Variants in QTMAN observed in about 807,000 individuals in gnomAD.
The protein encoded by QTMAN is tRNA-queuosine alpha-mannosyltransferase.
chr2:144,095,144 T>C, the QTMAN span, among the ~76,000 whole-genome samples: 1 of 152,194 alleles, frequency 6.6e-6, no homozygotes, highest in African/African-American at 2.4e-5. Flanking sequence ...AGCTTTCCCA[T>C]GTCCTACTCA....
chr2:144,118,622 G>A, the QTMAN span, among the ~76,000 whole-genome samples: 11 of 152,232 alleles, frequency 7.2e-5, no homozygotes, highest in East Asian at 1.5e-3. Context: ...AGTGGCTCAC[G>A]CCTGTAATCC....
the QTMAN span, among the ~76,000 whole-genome samples, chr2:144,021,878 T>C: frequency 6.6e-6 from 1 of 152,166 alleles, no homozygotes; most frequent in African/African-American, 2.4e-5. Context: ...AATGTGCGTG[T>C]GCGTCCATGC....
chr2:144,052,147 A>C, the QTMAN span, among the ~76,000 whole-genome samples: 2 of 152,180 alleles, frequency 1.3e-5, no homozygotes, highest in Non-Finnish European at 2.9e-5. Context: ...TGAAGAAATG[A>C]ATGTTATTCT....
At chr2:144,145,118 A>AG in the QTMAN span, among the ~76,000 whole-genome samples, 1 of 151,382 alleles carries the variant, frequency 6.6e-6, no homozygotes, top group East Asian at 1.9e-4. Context: ...TAAAAAAAAA[A>AG]AAAAAAAAAA....
At chr2:144,197,768 A>C in the QTMAN span, among the ~76,000 whole-genome samples, 3 of 152,118 alleles carry the variant, frequency 2.0e-5, no homozygotes, top group African/African-American at 7.2e-5. Context: ...CTATTTTTCT[A>C]TTAGATATTT....
the QTMAN span, among the ~76,000 whole-genome samples, chr2:143,956,716 G>A: frequency 6.6e-6 from 1 of 152,206 alleles, no homozygotes; most frequent in East Asian, 1.9e-4. Context: ...CCTCCATGAT[G>A]ATAGGGAGGA....
At chr2:144,114,453 C>T in the QTMAN span, among the ~76,000 whole-genome samples, 3 of 152,178 alleles carry the variant, frequency 2.0e-5, no homozygotes, top group African/African-American at 7.2e-5. Flanking sequence ...CTCCAAGTTA[C>T]ACATTTCATC....
the QTMAN span, among the ~76,000 whole-genome samples, chr2:144,025,483 G>C: frequency 0.038 from 5,853 of 152,292 alleles, 158 homozygotes; most frequent in East Asian, 0.083. Flanking sequence ...GGAAGAAGAT[G>C]CCTGATGTGT....
the QTMAN span, among the ~76,000 whole-genome samples, chr2:144,189,683 G>A: frequency 7.2e-5 from 11 of 151,922 alleles, 1 homozygote; most frequent in Admixed American, 5.2e-4. Flanking sequence ...CCAGCGGTGC[G>A]ATCTCGGCTC....
chr2:143,944,839 G>C, the QTMAN span: 1 of 151,928 alleles, frequency 6.6e-6, no homozygotes, highest in South Asian at 2.1e-4. Flanking sequence ...CCACATACAG[G>C]TAACTTTCAA....
the QTMAN span, among the ~76,000 whole-genome samples, chr2:144,111,388 C>T: frequency 7.2e-5 from 11 of 152,174 alleles, 1 homozygote; most frequent in Non-Finnish European, 1.0e-4. Context: ...CTGGCTCCAA[C>T]TCATTTCCAA....
chr2:144,249,641 TA>T, the QTMAN span, among the ~76,000 whole-genome samples: 1 of 152,174 alleles, frequency 6.6e-6, no homozygotes, highest in East Asian at 1.9e-4. Context: ...ACATTAAAAA[TA>T]AACAAGGAGG....
the QTMAN span, among the ~76,000 whole-genome samples, chr2:144,305,030 T>C: frequency 6.6e-6 from 1 of 152,218 alleles, no homozygotes; most frequent in East Asian, 1.9e-4. Flanking sequence ...GACAAATATG[T>C]TCTTGCATGT....
chr2:143,994,273 T>C, the QTMAN span, among the ~76,000 whole-genome samples: 6 of 152,202 alleles, frequency 3.9e-5, no homozygotes, highest in Admixed American at 3.9e-4. Context: ...TAAACATTTT[T>C]AAATGAATGA....
the QTMAN span, among the ~76,000 whole-genome samples, chr2:144,194,951 G>T: frequency 3.3e-5 from 5 of 151,906 alleles, no homozygotes; most frequent in Non-Finnish European, 7.4e-5. Flanking sequence ...ACAAAACCAG[G>T]TTGCAACATA....
the QTMAN span, among the ~76,000 whole-genome samples, chr2:144,302,665 C>A: frequency 6.6e-6 from 1 of 152,196 alleles, no homozygotes; most frequent in African/African-American, 2.4e-5. Context: ...CTAGGCCAGT[C>A]AGAACACCGG....
the QTMAN span, among the ~76,000 whole-genome samples, chr2:143,996,705 C>T: frequency 1.3e-5 from 2 of 152,072 alleles, no homozygotes; most frequent in East Asian, 1.9e-4. Flanking sequence ...ATGATACTAA[C>T]AGAGGTTTAC....
chr2:143,952,131 T>C, the QTMAN span: 1 of 938,866 alleles, frequency 1.1e-6, no homozygotes, highest in Non-Finnish European at 1.7e-6. Context: ...ACACACTCGA[T>C]ATTAGTCACT....
At chr2:144,188,315 T>A in the QTMAN span, among the ~76,000 whole-genome samples, 1 of 152,214 alleles carries the variant, frequency 6.6e-6, no homozygotes, top group East Asian at 1.9e-4. Context: ...CATTGAAAAG[T>A]AGTGCCTTTG....
Sources: gnomAD v4.1 joint callset for allele counts (sites outside exome capture counted in the v4.1 genomes callset) on GRCh38, gnomAD v4.1.1 for gene constraint, MANE v1.5 for transcripts, NCBI Gene and HGNC (gene_info 2026-07-23, HGNC 2026-07-21) for gene names.